PICALM: variants seen among roughly 807,000 people sequenced by gnomAD.
PICALM encodes phosphatidylinositol-binding clathrin assembly protein.
A neutral mutation model predicts 80.5 loss-of-function variants in PICALM; 40 were observed. The ratio of observed to expected loss-of-function variants is 0.50; its 90% CI spans 0.39 to 0.65. The LOEUF (loss-of-function observed/expected upper bound fraction) is 0.65, where lower values mean the gene tolerates loss of function less well. Among genes scored for constraint, PICALM ranks in the 30% least tolerant of loss-of-function variants. PICALM has a pLI of 0.00. For missense variants in PICALM, 676 were observed against 778.9 expected (o/e 0.87, Z 1.57); for synonymous variants, 288 against 260.3 (o/e 1.11, Z -1.02).
intron 1 of PICALM, among the ~76,000 whole-genome samples, chr11:86,045,161 A>G (rs1307126983): frequency 6.6e-6 from 1 of 152,230 alleles, no homozygotes; most frequent in Non-Finnish European, 1.5e-5. Context: ...TCACTATAAA[A>G]TAAAGCCATT....
intron 12 of PICALM, 130 bp from the exon 13 acceptor site, chr11:85,990,529 T>C: frequency 2.3e-6 from 1 of 441,550 alleles, no homozygotes; most frequent in Non-Finnish European, 3.8e-6. Context: ...ATATCTAAAT[T>C]ATCAAAAACA....
chr11:85,985,731 G>A (rs758871502), intron 13 of PICALM, among the ~76,000 whole-genome samples: 1 of 152,118 alleles, frequency 6.6e-6, no homozygotes, highest in Non-Finnish European at 1.5e-5. Context: ...TTAATTATGT[G>A]TCCATGCTAT....
intron 19 of PICALM, among the ~76,000 whole-genome samples, chr11:85,965,739 T>C (rs1190081917): frequency 6.6e-6 from 1 of 151,830 alleles, no homozygotes; most frequent in Non-Finnish European, 1.5e-5. Flanking sequence ...CTTGGGTTTC[T>C]GCCCATCAAC....
intron 19 of PICALM, among the ~76,000 whole-genome samples, chr11:85,963,489 A>G (rs2093761154): frequency 6.6e-6 from 1 of 152,228 alleles, no homozygotes; most frequent in African/African-American, 2.4e-5. Context: ...AAAATGACCT[A>G]TGTCACAACT....
At chr11:86,032,554 AG>A (rs757801046) in intron 1 of PICALM, among the ~76,000 whole-genome samples, 43 of 152,112 alleles carry the variant, frequency 2.8e-4, no homozygotes, top group Non-Finnish European at 5.9e-4. Context: ...TGAACCTGGG[AG>A]GCGGAGGTTG....
In PICALM at chr11:86,001,170, G is replaced by A; in HGVS notation, c.894-12C>T. ...AAAGTGTAGTTGCCCTAGGATAATTGAACAGAGATAATTTGGCTTTTTGCT... is the reference window on the plus strand; with the variant it reads ...AAAGTGTAGTTGCCCTAGGATAATTAAACAGAGATAATTTGGCTTTTTGCT... On this transcript the variant is annotated splice_polypyrimidine_tract_variant and intron_variant, in intron 9 of 19. Coordinates refer to ENST00000393346, the MANE Select transcript of PICALM (RefSeq NM_007166.4). 2 of 1,611,122 alleles carry A rather than the reference G, an allele frequency of 1.2e-6. No homozygotes were observed. Among genetic ancestry groups the A allele is most frequent in the Admixed American group, 1.7e-5 (1 of 59,336 alleles).
Position 86,000,800 on chromosome 11 carries a change from C to T in PICALM, c.1018-21G>A, listed in dbSNP as rs151265448. The T allele has an allele frequency of 1.5e-4, 236 of 1,602,556 alleles. 2 individuals carry two copies. In the East Asian group the frequency reaches 5.0e-3, roughly 34 times the overall value. On this transcript the variant is annotated intron_variant, in intron 10 of 19. Transcript: ENST00000393346. ...TGTTCCTGTTAAGAAAGGGAACTAC[C>T]ATAAGGATTCCAGAAACCAGATTTC...
chr11:86,000,898 G>A, intron 10 of PICALM, 119 bp from the exon 11 acceptor site: 1 of 1,480,940 alleles, frequency 6.8e-7, no homozygotes, highest in East Asian at 2.3e-5. Context: ...CTAATTCTAT[G>A]TCAGGACGAA....
intron 8 of PICALM, 78 bp downstream of exon 8, chr11:86,007,464 C>A: frequency 1.2e-6 from 1 of 800,916 alleles, no homozygotes; most frequent in Non-Finnish European, 2.2e-6. Context: ...ACAATGGGGG[C>A]TATATGTTAC....
chr11:85,959,921 G>A (rs1182905775), intron 19 of PICALM, among the ~76,000 whole-genome samples: 3 of 152,142 alleles, frequency 2.0e-5, no homozygotes, highest in African/African-American at 7.2e-5. Flanking sequence ...GCATGTGGAG[G>A]AGGAAAAGAA....
intron 1 of PICALM, among the ~76,000 whole-genome samples, chr11:86,041,716 T>C (rs2095972850): frequency 6.6e-6 from 1 of 152,230 alleles, no homozygotes; most frequent in Non-Finnish European, 1.5e-5. Context: ...ATGAAGTCAT[T>C]ATGTAATTGC....
rs1456241672 is a variant in PICALM, at chr11:86,011,749, A to G, written c.658+532T>C. Reference sequence around the variant, plus strand: ...TTTTTAAAAGTTCATTATGGAGTTGATTATGAGAAAACAATATTCTTCTGG... The same window carrying G: ...TTTTTAAAAGTTCATTATGGAGTTGGTTATGAGAAAACAATATTCTTCTGG... On this transcript the variant is annotated intron_variant, in intron 6 of 19. Coordinates refer to ENST00000393346, the MANE Select transcript of PICALM (RefSeq NM_007166.4). Among the ~76,000 whole-genome samples, 3 of 152,116 alleles carry G rather than the reference A, an allele frequency of 2.0e-5. No homozygotes were observed. The East Asian group carries it at 5.8e-4, about 29-fold the overall frequency.
At chr11:86,052,269 C>A (rs1282689117) in intron 1 of PICALM, among the ~76,000 whole-genome samples, 2 of 152,132 alleles carry the variant, frequency 1.3e-5, no homozygotes, top group African/African-American at 4.8e-5. Flanking sequence ...TCCCTTTCTG[C>A]CATAATTGTA....
intron 1 of PICALM, among the ~76,000 whole-genome samples, chr11:86,035,498 A>G (rs2095825430): frequency 6.6e-6 from 1 of 152,214 alleles, no homozygotes; most frequent in Admixed American, 6.5e-5. Flanking sequence ...TTTGTTTTTA[A>G]ATCAACATAC....
intron 4 of PICALM, among the ~76,000 whole-genome samples, chr11:86,020,941 G>A (rs1398573987): frequency 1.3e-5 from 2 of 152,116 alleles, no homozygotes; most frequent in African/African-American, 4.8e-5. Context: ...GAAAAGACAA[G>A]CCATGGGAGA....
At chr11:86,034,627 CATT>C (rs2095811036) in intron 1 of PICALM, among the ~76,000 whole-genome samples, 1 of 151,906 alleles carries the variant, frequency 6.6e-6, no homozygotes, top group Non-Finnish European at 1.5e-5. Context: ...CTTGAATATT[CATT>C]ATTAACAATT....
chr11:86,037,561 T>C (rs1451412860), intron 1 of PICALM, among the ~76,000 whole-genome samples: 2 of 149,404 alleles, frequency 1.3e-5, no homozygotes, highest in Middle Eastern at 3.5e-3. Context: ...CCCAGCTCCC[T>C]AGTTTTTTTT....
intron 1 of PICALM, among the ~76,000 whole-genome samples, chr11:86,062,136 G>C (rs2096376824): frequency 6.6e-6 from 1 of 152,186 alleles, no homozygotes; most frequent in South Asian, 2.1e-4. Flanking sequence ...GGAGCACAGA[G>C]TATTTCAGGG....
At chr11:85,974,438 C>T in intron 19 of PICALM, 1 of 573,804 alleles carries the variant, frequency 1.7e-6, no homozygotes, top group South Asian at 1.4e-5. Flanking sequence ...CAAGTAGGCT[C>T]CTTAATCTCA....
Sources: allele counts gnomAD v4.1 joint callset (sites outside exome capture counted in the v4.1 genomes callset), GRCh38; gene constraint gnomAD v4.1.1; transcripts MANE v1.5; gene names NCBI Gene and HGNC (gene_info 2026-07-23, HGNC 2026-07-21).